Variants in CUX1 observed in about 807,000 individuals in gnomAD.
CUX1 encodes the protein cut like homeobox 1.
A neutral mutation model predicts 158.8 loss-of-function variants in CUX1; 31 were observed. The observed-to-expected ratio is 0.20, with a 90% CI of 0.15 to 0.26. The LOEUF is 0.26. Among genes scored for constraint, CUX1 ranks in the 10% least tolerant of loss-of-function variants. CUX1 has a pLI of 1.00. For synonymous variants in CUX1, 879 were observed against 862.1 expected (o/e 1.02, Z -0.34); for missense variants, 1,589 against 2,014.6 (o/e 0.79, Z 4.04).
intron 9 of CUX1, among the ~76,000 whole-genome samples, chr7:102,167,697 C>G (rs554701474): frequency 6.6e-6 from 1 of 152,226 alleles, no homozygotes. Context: ...AGTGATTTGA[C>G]GTGATCATCA....
intron 8 of CUX1, among the ~76,000 whole-genome samples, chr7:102,132,205 G>A (rs1192253767): frequency 1.3e-5 from 2 of 150,808 alleles, no homozygotes; most frequent in East Asian, 1.9e-4. Flanking sequence ...TGGATGGGCG[G>A]GTGGATAGAT....
chr7:101,869,251 A>T lies in CUX1; in HGVS notation c.31-46864A>T, dbSNP rs2131431582. The stretch of plus-strand genomic sequence containing the variant: ...GGCTGTGTCAGAGCCCCGGCTGGCG[A>T]GAGGAGCATCACTGTGTCCAGAGGA... On this transcript the variant is annotated intron_variant, in intron 1 of 23. Transcript: ENST00000292535. The surrounding 1 kb of genome is among the most constrained non-coding windows in gnomAD (Gnocchi z 4.5). Among the ~76,000 whole-genome samples, 1 of 152,248 alleles carries T rather than the reference A, an allele frequency of 6.6e-6. No individual in the cohort carries two copies. Among genetic ancestry groups the T allele is most frequent in the East Asian group, 1.9e-4 (1 of 5,166 alleles).
intron 2 of CUX1, among the ~76,000 whole-genome samples, chr7:101,956,746 G>A (rs1809828615): frequency 6.6e-6 from 1 of 152,200 alleles, no homozygotes; most frequent in Non-Finnish European, 1.5e-5. Context: ...GCGGGAGTTT[G>A]AGACCAGCCA....
At chr7:101,846,032 C>G (rs2131210333) in intron 1 of CUX1, among the ~76,000 whole-genome samples, 1 of 152,028 alleles carries the variant, frequency 6.6e-6, no homozygotes, top group African/African-American at 2.4e-5. Flanking sequence ...AAAATGCAGG[C>G]TCTCAGGCCC....
At chr7:102,005,972 T>A (rs1415303084) in intron 2 of CUX1, among the ~76,000 whole-genome samples, 1 of 152,100 alleles carries the variant, frequency 6.6e-6, no homozygotes, top group African/African-American at 2.4e-5. Flanking sequence ...GTGGATGAGG[T>A]TGGCCAGAGA....
At chr7:102,124,560 A>G (rs528228423) in intron 8 of CUX1, among the ~76,000 whole-genome samples, 85 of 152,316 alleles carry the variant, frequency 5.6e-4, no homozygotes, top group African/African-American at 2.0e-3. Context: ...GGGATGTTAC[A>G]TTAAGTGAAA....
chr7:102,111,947 C>T lies in CUX1; in HGVS notation c.607+173C>T, dbSNP rs1830936529. 8.5e-6 allele frequency: 5 copies of T among 588,764 alleles called. No homozygotes were observed. In the African/African-American group the frequency reaches 9.3e-5, roughly 11 times the overall value. The allele number at this position is 588,764 out of a possible 1,614,324, so 36.5% of individuals were successfully genotyped here. A position where few individuals can be genotyped will look rare whatever the true frequency, so the allele number is the denominator to read the frequency against. On this transcript the variant is annotated intron_variant, in intron 7 of 23. Coordinates refer to ENST00000292535, the MANE Select transcript of CUX1 (RefSeq NM_181552.4). ...AGCACGCCCGCCAGCTGCTGCGCCT[C>T]ATTCCTCACTGACTTTGAGTTGTTA...
chr7:101,922,147 T>C (rs1163599302), intron 2 of CUX1, among the ~76,000 whole-genome samples: 5 of 152,186 alleles, frequency 3.3e-5, no homozygotes, highest in African/African-American at 1.2e-4. Context: ...GTAATAACAA[T>C]TAATCATCTT....
chr7:102,250,399 GAAC>G lies in CUX1; in HGVS notation c.*1358_*1360del. 1 of 985,440 alleles carries G rather than the reference GAAC, an allele frequency of 1.0e-6. No homozygotes were observed. Among genetic ancestry groups the G allele is most frequent in the Admixed American group, 6.1e-5 (1 of 16,266 alleles). The allele number at this position is 985,440 out of a possible 1,614,324, so 61.0% of individuals were successfully genotyped here. On this transcript the variant is annotated 3_prime_UTR_variant, in exon 24 of 24. Transcript: ENST00000292535. Reference sequence around the variant, plus strand: ...CACACCACTCTCCTGGATACCTGATGAACTGAGCCCTCCCAGGGGAAGACACTC... The same window carrying G: ...CACACCACTCTCCTGGATACCTGATGTGAGCCCTCCCAGGGGAAGACACTC...
At chr7:102,182,247 G>C (rs987151513) in intron 11 of CUX1, among the ~76,000 whole-genome samples, 1 of 152,188 alleles carries the variant, frequency 6.6e-6, no homozygotes, top group Non-Finnish European at 1.5e-5. Context: ...CAGTCACTTG[G>C]GGAGAGGGCA....
intron 2 of CUX1, among the ~76,000 whole-genome samples, chr7:101,998,834 G>A (rs1466985708): frequency 6.6e-5 from 10 of 152,286 alleles, no homozygotes; most frequent in African/African-American, 2.4e-4. Flanking sequence ...TCTCTTCGTC[G>A]CTTTCTTAAG....
intron 2 of CUX1, among the ~76,000 whole-genome samples, chr7:102,024,234 C>T (rs7809629): frequency 0.83 from 126,880 of 152,234 alleles, 53,120 homozygotes; most frequent in East Asian, 0.99. Flanking sequence ...TTCTCTGCTA[C>T]AGTCTGAAAT....
chr7:101,935,624 G>A, intron 2 of CUX1, among the ~76,000 whole-genome samples: 1 of 152,220 alleles, frequency 6.6e-6, no homozygotes, highest in East Asian at 1.9e-4. Context: ...AAACTCTTGG[G>A]AGGGCAGCAC....
intron 2 of CUX1, among the ~76,000 whole-genome samples, chr7:101,954,047 C>T (rs1424282954): frequency 6.6e-6 from 1 of 152,130 alleles, no homozygotes; most frequent in Non-Finnish European, 1.5e-5. Context: ...TTAAGTCAGC[C>T]AGGCATGGTG....
chr7:102,254,990 G>A lies in CUX1; in HGVS notation c.*5948G>A. 4 of 985,418 alleles carry A rather than the reference G, an allele frequency of 4.1e-6. No homozygotes were observed. The highest frequency in any genetic ancestry group is 4.8e-6 in the Non-Finnish European group (4 of 829,946). 61.0% of individuals were successfully genotyped at this position (985,418 alleles called of 1,614,324 possible). On this transcript the variant is annotated 3_prime_UTR_variant, in exon 24 of 24. Transcript: ENST00000292535. ...CCCTTAGAGATGGGCTGAAAGTTAAGTCCACCAACCCTTGGGCTTAATCAG... is the reference window on the plus strand; with the variant it reads ...CCCTTAGAGATGGGCTGAAAGTTAAATCCACCAACCCTTGGGCTTAATCAG...
intron 8 of CUX1, among the ~76,000 whole-genome samples, chr7:102,134,455 ACATTC>A (rs1833673651): frequency 6.6e-6 from 1 of 152,230 alleles, no homozygotes; most frequent in African/African-American, 2.4e-5. Flanking sequence ...CGTCTTTAAA[ACATTC>A]CAAATAGATG....
chr7:101,821,636 C>T (rs1792552664), intron 1 of CUX1, among the ~76,000 whole-genome samples: 1 of 148,048 alleles, frequency 6.8e-6, no homozygotes, highest in Admixed American at 6.7e-5. Flanking sequence ...CCGTGCCCGG[C>T]CCCTATTTTC....
At chr7:102,156,621 G>A (rs188683158) in intron 8 of CUX1, among the ~76,000 whole-genome samples, 16 of 152,238 alleles carry the variant, frequency 1.1e-4, no homozygotes, top group African/African-American at 2.9e-4. Flanking sequence ...AGCAGTTTTG[G>A]TGGAGACAAA....
intron 2 of CUX1, among the ~76,000 whole-genome samples, chr7:101,986,186 TAAC>T (rs1327445421): frequency 6.6e-6 from 1 of 152,204 alleles, no homozygotes; most frequent in Non-Finnish European, 1.5e-5. Context: ...GCACAAGTGT[TAAC>T]AACAAGAGAT....
Sources: gnomAD v4.1 joint callset for allele counts (sites outside exome capture counted in the v4.1 genomes callset) on GRCh38, gnomAD v4.1.1 for gene constraint, Gnocchi (gnomAD v3.1) non-coding constraint, MANE v1.5 for transcripts, NCBI Gene and HGNC (gene_info 2026-07-23, HGNC 2026-07-21) for gene names.